C18orf32: variants seen among roughly 807,000 people sequenced by gnomAD.
The protein encoded by C18orf32 is UPF0729 protein C18orf32.
Under a neutral mutation model 7.4 loss-of-function variants are expected in C18orf32, and 5 were observed. That is an observed-to-expected ratio of 0.68 (90% CI 0.35 to 1.42). The LOEUF is 1.42. Ranked by LOEUF, C18orf32 falls within the 40% of genes most tolerant of loss-of-function variation. The probability of loss-of-function intolerance (pLI) is 0.04; values close to 1 mark genes in which losing one functional copy is unlikely to be tolerated. For missense variants in C18orf32, 88 were observed against 92.4 expected (o/e 0.95, Z 0.19); for synonymous variants, 30 against 29.3 (o/e 1.02, Z -0.08).
At chr18:49,485,654 TAAAGTGCAGTGGCTCA>T (rs1306284659) in intron 1 of C18orf32, among the ~76,000 whole-genome samples, 1 of 151,858 alleles carries the variant, frequency 6.6e-6, no homozygotes, top group Non-Finnish European at 1.5e-5. Flanking sequence ...TTGCTCAGGC[TAAAGTGCAGTGGCTCA>T]AACATACCAC....
rs1157031093 is a variant in C18orf32 at position 49,480,513 on chromosome 18, C to T, written c.*1832G>A. 1 of 151,992 alleles carries T rather than the reference C, an allele frequency of 6.6e-6. No individual in the cohort carries two copies. The highest frequency in any genetic ancestry group is 1.5e-5 in the Non-Finnish European group (1 of 68,020). The allele number at this position is 151,992 out of a possible 1,614,324, so 9.4% of individuals were successfully genotyped here. A position where few individuals can be genotyped will look rare whatever the true frequency, so the allele number is the denominator to read the frequency against. ...TGCAGTAGTAGCTCATGCCTGTAAT[C>T]CCAGCACTTTGGGAAGCCAAAGTGG... On this transcript the variant is annotated 3_prime_UTR_variant, in exon 3 of 3. Transcript: ENST00000318240.
At position 49,480,625 on chromosome 18, in the gene C18orf32, G is replaced by C. The variant is rs531559768; in HGVS notation, c.*1720C>G. On this transcript the variant is annotated 3_prime_UTR_variant, in exon 3 of 3. Transcript: ENST00000318240. ...ATAAAAAAAATTACAAAAAACATTA[G>C]CTGGGCATGGTGGTGTGCACCTGTA... is the stretch of plus-strand genomic sequence containing the variant. 6.6e-6 allele frequency: 1 copy of C among 152,196 alleles called. No homozygotes were observed. Among genetic ancestry groups the C allele is most frequent in the Admixed American group, 6.6e-5 (1 of 15,266 alleles). The allele number at this position is 152,196 out of a possible 1,614,324, so 9.4% of individuals were successfully genotyped here.
intron 2 of C18orf32, 78 bp downstream of exon 2, chr18:49,483,506 G>T: frequency 6.8e-7 from 1 of 1,469,260 alleles, no homozygotes; most frequent in Non-Finnish European, 9.1e-7. Flanking sequence ...TCTAAAACTT[G>T]TCCTTCCAAA....
chr18:49,482,210 T>C lies in C18orf32; in HGVS notation c.*135A>G. The C allele has an allele frequency of 1.4e-6, 1 of 698,182 alleles. No homozygotes were observed. The allele number at this position is 698,182 out of a possible 1,614,324, so 43.2% of individuals were successfully genotyped here. On this transcript the variant is annotated 3_prime_UTR_variant, in exon 3 of 3. Transcript: ENST00000318240. ...AATACGGATATCATATATTTCCTGA[T>C]TAGTATCAGGTAAATATCTAGACTC...
At chr18:49,483,865 G>C (rs1442644073) in intron 1 of C18orf32, 94 bp from the exon 2 acceptor site, 1 of 1,423,976 alleles carries the variant, frequency 7.0e-7, no homozygotes, top group Non-Finnish European at 9.4e-7. Context: ...GGATAGATGT[G>C]GTGGCTCACG....
Position 49,478,386 on chromosome 18 carries a change from C to G in C18orf32, c.*3959G>C, listed in dbSNP as rs1225474337. The stretch of plus-strand genomic sequence containing the variant: ...TCAAACGATTCTCATGCCTCAGCCT[C>G]TGGAGTAGCTGGGATTACAGGTGTG... On this transcript the variant is annotated 3_prime_UTR_variant, in exon 3 of 3. Transcript: ENST00000318240. 1 of 150,362 alleles carries G rather than the reference C, an allele frequency of 6.7e-6. No homozygotes were observed. The highest frequency in any genetic ancestry group is 2.5e-5 in the African/African-American group (1 of 39,526). The allele number at this position is 150,362 out of a possible 1,614,324, so 9.3% of individuals were successfully genotyped here.
At chr18:49,486,768 C>T (rs1407433783) in intron 1 of C18orf32, among the ~76,000 whole-genome samples, 2 of 152,012 alleles carry the variant, frequency 1.3e-5, no homozygotes, top group African/African-American at 4.8e-5. Flanking sequence ...CCAAGTCATC[C>T]AGTTGAGCAT....
intron 1 of C18orf32, among the ~76,000 whole-genome samples, 184 bp from the exon 2 acceptor site, chr18:49,483,955 A>G (rs1472874678): frequency 1.3e-5 from 2 of 151,412 alleles, no homozygotes; most frequent in Non-Finnish European, 1.5e-5. Context: ...ACAAAGTGAG[A>G]CCTTGTCTCT....
intron 2 of C18orf32, among the ~76,000 whole-genome samples, chr18:49,482,797 TCTC>T (rs962147452): frequency 1.1e-4 from 12 of 114,186 alleles, no homozygotes; most frequent in South Asian, 2.7e-4. Context: ...ATTCTGTCTC[TCTC>T]TTTTTTTTTT....
At chr18:49,482,633 A>G (rs1279508103) in intron 2 of C18orf32, among the ~76,000 whole-genome samples, 1 of 151,830 alleles carries the variant, frequency 6.6e-6, no homozygotes, top group African/African-American at 2.4e-5. Context: ...AGGCTGAGGC[A>G]GGAGAATCGT....
Position 49,481,964 on chromosome 18 carries a change from T to C in C18orf32, c.*381A>G, listed in dbSNP as rs2083666874. On this transcript the variant is annotated 3_prime_UTR_variant, in exon 3 of 3. Transcript: ENST00000318240. ...GGACTGTTTCACAACAAAATTGTAC[T>C]CCACTCAAATTAGAAGAGCCCAAAG... The C allele has an allele frequency of 2.4e-5, 5 of 207,892 alleles. No homozygotes were observed. Among genetic ancestry groups the C allele is most frequent in the South Asian group, 2.2e-4 (3 of 13,652 alleles). 12.9% of individuals were successfully genotyped at this position (207,892 alleles called of 1,614,324 possible). A position where few individuals can be genotyped will look rare whatever the true frequency, so the allele number is the denominator to read the frequency against.
At position 49,479,510 on chromosome 18, in the gene C18orf32, T is replaced by C. The variant is rs564696201; in HGVS notation, c.*2835A>G. ...CCAGGCAGTGTCCCAGCAAGCCAGA[T>C]AGCACTCTTGAGAGGAAGCAGTAGC... is the stretch of plus-strand genomic sequence containing the variant. On this transcript the variant is annotated 3_prime_UTR_variant, in exon 3 of 3. Transcript: ENST00000318240. The C allele has an allele frequency of 1.0e-3, 160 of 152,738 alleles. 1 individual carries two copies. The Middle Eastern group carries it at 0.017, about 16-fold the overall frequency. 9.5% of individuals were successfully genotyped at this position (152,738 alleles called of 1,614,324 possible). A position where few individuals can be genotyped will look rare whatever the true frequency, so the allele number is the denominator to read the frequency against.
Position 49,480,452 on chromosome 18 carries a change from ATTAC to A in C18orf32, c.*1889_*1892del. 6.6e-6 allele frequency: 1 copy of A among 152,194 alleles called. No individual in the cohort carries two copies. Among genetic ancestry groups the A allele is most frequent in the African/African-American group, 2.4e-5 (1 of 41,530 alleles). 9.4% of individuals were successfully genotyped at this position (152,194 alleles called of 1,614,324 possible). A position where few individuals can be genotyped will look rare whatever the true frequency, so the allele number is the denominator to read the frequency against. On this transcript the variant is annotated 3_prime_UTR_variant, in exon 3 of 3. Transcript: ENST00000318240. ...TAGGGACAATTAGAAACGTTGCAATATTACTTAATTTTTAAAAGATGATGTGTGG... is the reference window on the plus strand; with the variant it reads ...TAGGGACAATTAGAAACGTTGCAATATTAATTTTTAAAAGATGATGTGTGG...
In C18orf32 at chr18:49,483,692, G is replaced by A; in HGVS notation, c.57C>T (p.Phe19=). The A allele has an allele frequency of 6.2e-7, 1 of 1,613,740 alleles. No homozygotes were observed. The highest frequency in any genetic ancestry group is 8.5e-7 in the Non-Finnish European group (1 of 1,179,960). Residue 19 remains phenylalanine, a synonymous_variant, in exon 2 of 3, where the codon TTC becomes TTT. Coordinates refer to ENST00000318240, the MANE Select transcript of C18orf32 (RefSeq NM_001035005.4). ...CCAGAGGGTATATATATGGCTCCAG[G>A]AATTTTTTGTAGATCCAGAGCAGAA... ...IPVLLWIYKK[F]LEPYIYPLVS... is the part of the protein sequence containing the mutation.
At chr18:49,485,092 T>C (rs2083721648) in intron 1 of C18orf32, among the ~76,000 whole-genome samples, 2 of 151,208 alleles carry the variant, frequency 1.3e-5, no homozygotes, top group South Asian at 4.2e-4. Context: ...AAAAAAAAGA[T>C]TTCTTATTTT....
At chr18:49,485,770 C>T (rs76582281) in intron 1 of C18orf32, among the ~76,000 whole-genome samples, 5 of 151,894 alleles carry the variant, frequency 3.3e-5, no homozygotes, top group Non-Finnish European at 2.9e-5. Flanking sequence ...CACAGCCCTG[C>T]GCCACGATGC....
At chr18:49,486,115 A>C (rs2083741447) in intron 1 of C18orf32, 1 of 151,834 alleles carries the variant, frequency 6.6e-6, no homozygotes, top group Non-Finnish European at 1.5e-5. Context: ...AAAAGTTGTA[A>C]CCTGTCCAAA....
intron 2 of C18orf32, among the ~76,000 whole-genome samples, chr18:49,482,752 A>G (rs1015430926): frequency 6.8e-6 from 1 of 147,548 alleles, no homozygotes; most frequent in Non-Finnish European, 1.5e-5. Flanking sequence ...AAAAAAAAAG[A>G]AAGAAATTAT....
At position 49,477,799 on chromosome 18, in the gene C18orf32, A is replaced by AAAAATAT. The variant is rs760268884; in HGVS notation, c.*4545_*4546insATATTTT. ...TTCCAAAAACAAACAAACAAACAAA[A>AAAAATAT]ATATATATATATACACACACTATAT... On this transcript the variant is annotated 3_prime_UTR_variant, in exon 3 of 3. Transcript: ENST00000318240. 0.41 allele frequency: 57,588 copies of AAAAATAT among 140,440 alleles called. 12,470 individuals carry two copies. The highest frequency in any genetic ancestry group is 0.5 in the East Asian group (2,514 of 5,054). The allele number at this position is 140,440 out of a possible 1,614,324, so 8.7% of individuals were successfully genotyped here.
Sources: allele counts gnomAD v4.1 joint callset (sites outside exome capture counted in the v4.1 genomes callset), GRCh38; gene constraint gnomAD v4.1.1; transcripts MANE v1.5; gene names NCBI Gene and HGNC (gene_info 2026-07-23, HGNC 2026-07-21).